Variants in CUX1 observed in about 807,000 individuals in gnomAD.
CUX1 encodes the protein cut like homeobox 1.
Under a neutral mutation model 158.8 loss-of-function variants are expected in CUX1, and 31 were observed. The ratio of observed to expected loss-of-function variants is 0.20; its 90% CI spans 0.15 to 0.26. CUX1 has a LOEUF of 0.26. CUX1 is among the 10% of genes least tolerant of loss of function. The pLI is 1.00. For missense variants in CUX1, 1,589 were observed against 2,014.6 expected, an observed-to-expected ratio of 0.79 and a Z score of 4.04; for synonymous variants, 879 against 862.1, an observed-to-expected ratio of 1.02 and a Z score of -0.34.
chr7:102,175,015 T>C (rs1195734806), intron 10 of CUX1, among the ~76,000 whole-genome samples: 2 of 152,216 alleles, frequency 1.3e-5, no homozygotes, highest in East Asian at 3.9e-4. Context: ...TCCAAGGTCT[T>C]ACTGCTTTGG....
intron 3 of CUX1, among the ~76,000 whole-genome samples, chr7:102,037,115 C>T (rs1192252203): frequency 6.6e-6 from 1 of 152,138 alleles, no homozygotes; most frequent in East Asian, 1.9e-4. Flanking sequence ...TTGCTTGAGC[C>T]CACAAGTTGG....
At chr7:101,983,485 T>C (rs1263768486) in intron 2 of CUX1, among the ~76,000 whole-genome samples, 1 of 152,206 alleles carries the variant, frequency 6.6e-6, no homozygotes, top group Non-Finnish European at 1.5e-5. Flanking sequence ...TGAACAATTA[T>C]GTGTGAGTCT....
intron 6 of CUX1, among the ~76,000 whole-genome samples, chr7:102,110,897 C>T (rs1830817961): frequency 6.6e-6 from 1 of 152,160 alleles, no homozygotes; most frequent in Admixed American, 6.5e-5. Context: ...TTTCACTTCC[C>T]ATGCTCTTGT....
chr7:101,919,261 CCTCAG>C (rs1305901779), intron 2 of CUX1, among the ~76,000 whole-genome samples: 2 of 151,714 alleles, frequency 1.3e-5, no homozygotes, highest in Non-Finnish European at 2.9e-5. Flanking sequence ...ATGTGTGGAG[CCTCAG>C]CTCAGTGCCT....
Position 102,028,077 on chromosome 7 carries a change from GA to G in CUX1, c.142-20del, listed in dbSNP as rs778507488. ...TCTCCTTCTCAAATGGCTGCTTCCT[GA>G]CCTCCGCCTCCTGCTCCAGGATTTG... On this transcript the variant is annotated intron_variant, in intron 2 of 23. Transcript: ENST00000292535. 16 of 1,611,904 alleles carry G rather than the reference GA, an allele frequency of 9.9e-6. No individual in the cohort carries two copies. The African/African-American group carries it at 1.9e-4, about 19-fold the overall frequency.
chr7:102,257,608 G>C lies in CUX1; in HGVS notation c.*8566G>C, dbSNP rs888320134. ...AATAACTCTTTGCTGCTTGCCTTGA[G>C]AGCGGGTAGCACCACGCTCCTGTCC... On this transcript the variant is annotated 3_prime_UTR_variant, in exon 24 of 24. Transcript: ENST00000292535. 6 of 985,248 alleles carry C rather than the reference G, an allele frequency of 6.1e-6. No homozygotes were observed. The African/African-American group carries it at 1.0e-4, about 17-fold the overall frequency. 61.0% of individuals were successfully genotyped at this position (985,248 alleles called of 1,614,324 possible).
chr7:102,144,180 G>T (rs1186487008), intron 8 of CUX1, among the ~76,000 whole-genome samples: 3 of 152,132 alleles, frequency 2.0e-5, no homozygotes, highest in Non-Finnish European at 4.4e-5. Context: ...TTTATGTCTT[G>T]CTTATCACCT....
chr7:101,830,019 G>C lies in CUX1; in HGVS notation c.30+12350G>C, dbSNP rs1015519719. Among the ~76,000 whole-genome samples, 5 of 152,234 alleles carry C rather than the reference G, an allele frequency of 3.3e-5. No homozygotes were observed. The East Asian group carries it at 9.6e-4, about 29-fold the overall frequency. ...GAGCGGCCTGCCCTATCTGTGGGCG[G>C]TTCGGTGAGTGCTAGATGGGGTGTC... On this transcript the variant is annotated intron_variant, in intron 1 of 23. Coordinates refer to ENST00000292535, the MANE Select transcript of CUX1 (RefSeq NM_181552.4).
At chr7:101,997,324 G>GT (rs1417199179) in intron 2 of CUX1, among the ~76,000 whole-genome samples, 5 of 152,124 alleles carry the variant, frequency 3.3e-5, no homozygotes, top group South Asian at 4.1e-4. Context: ...CTTTTGGTTT[G>GT]TTTTTTTGTT....
intron 4 of CUX1, among the ~76,000 whole-genome samples, chr7:102,088,875 TAG>T (rs768432973): frequency 8.5e-5 from 13 of 152,212 alleles, no homozygotes; most frequent in Non-Finnish European, 1.8e-4. Flanking sequence ...ATGGAGTTTG[TAG>T]AGTTTCTTGA....
At chr7:101,947,382 AC>A (rs763716573) in intron 2 of CUX1, among the ~76,000 whole-genome samples, 36 of 152,206 alleles carry the variant, frequency 2.4e-4, no homozygotes, top group Admixed American at 1.1e-3. Context: ...CAAGAGCGAG[AC>A]TCCGTCTCAA....
chr7:101,911,273 G>GCC, intron 1 of CUX1, among the ~76,000 whole-genome samples: 1 of 152,258 alleles, frequency 6.6e-6, no homozygotes. Context: ...CTTGGCCTTG[G>GCC]TCCTGCCGTG....
At chr7:102,097,560 T>C (rs1416568924) in intron 5 of CUX1, 59 bp downstream of exon 5, 2 of 1,513,666 alleles carry the variant, frequency 1.3e-6, no homozygotes, top group African/African-American at 1.4e-5. Context: ...CTTCTTTTTA[T>C]TTTAATTGGC....
chr7:102,104,993 C>A (rs16869536), intron 6 of CUX1, among the ~76,000 whole-genome samples: 1 of 152,014 alleles, frequency 6.6e-6, no homozygotes, highest in Non-Finnish European at 1.5e-5. Context: ...CCAAGACTAT[C>A]CAAGCCGTGC....
chr7:102,111,085 A>G (rs893328707), intron 6 of CUX1, among the ~76,000 whole-genome samples: 8 of 151,316 alleles, frequency 5.3e-5, no homozygotes, highest in Non-Finnish European at 7.4e-5. Context: ...AAAATAATCA[A>G]CTTATTTTTG....
At chr7:102,270,628 C>T (rs913474798) in intron 14 of CUX1, among the ~76,000 whole-genome samples, 2 of 152,330 alleles carry the variant, frequency 1.3e-5, no homozygotes, top group Non-Finnish European at 2.9e-5. Context: ...GCTCCTATCA[C>T]CCCAAGCCAC....
At chr7:102,026,821 A>T (rs1300874619) in intron 2 of CUX1, among the ~76,000 whole-genome samples, 2 of 29,098 alleles carry the variant, frequency 6.9e-5, no homozygotes, top group African/African-American at 2.7e-4. Flanking sequence ...CCGTCTTTAA[A>T]AAAAAAAAAA....
Position 102,250,140 on chromosome 7 carries a change from C to G in CUX1, c.*1098C>G. ...ACCTCTAACCGCAGAGCACGCTGAT[C>G]AGACCTCATATCTTGGAGGTTTAGG... On this transcript the variant is annotated 3_prime_UTR_variant, in exon 24 of 24. Coordinates refer to ENST00000292535, the MANE Select transcript of CUX1 (RefSeq NM_181552.4). The G allele has an allele frequency of 2.0e-6, 2 of 985,228 alleles. No homozygotes were observed. The highest frequency in any genetic ancestry group is 2.4e-6 in the Non-Finnish European group (2 of 829,918). 61.0% of individuals were successfully genotyped at this position (985,228 alleles called of 1,614,324 possible).
At chr7:102,262,410 G>GGATGGATGGAT (rs1554544107), downstream of CUX1, among the ~76,000 whole-genome samples, 2 of 151,674 alleles carry the variant, frequency 1.3e-5, no homozygotes, top group African/African-American at 4.8e-5. Flanking sequence ...ATGGATGGAT[G>GGATGGATGGAT]GATGGATGGA....
Sources: allele counts gnomAD v4.1 joint callset (sites outside exome capture counted in the v4.1 genomes callset), GRCh38; gene constraint gnomAD v4.1.1; transcripts MANE v1.5; gene names NCBI Gene and HGNC (gene_info 2026-07-23, HGNC 2026-07-21).